The following ACOXL variants were observed in gnomAD, a reference collection of about 807,000 sequenced individuals.
The protein encoded by ACOXL is acyl-CoA oxidase like.
In ACOXL, 70 loss-of-function variants were observed where a neutral mutation model predicts 71.9. The ratio of observed to expected loss-of-function variants is 0.97; its 90% CI spans 0.80 to 1.19. The LOEUF (loss-of-function observed/expected upper bound fraction) is 1.19. Among genes scored for constraint, ACOXL ranks in the 50% most tolerant of loss-of-function variants. The pLI is 0.00. For synonymous variants in ACOXL, 253 were observed against 281.6 expected (o/e 0.90, Z 1.02); for missense variants, 703 against 736.3 (o/e 0.95, Z 0.52).
intron 9 of ACOXL, among the ~76,000 whole-genome samples, chr2:110,811,727 GCATACACACACA>G (rs1364442310): frequency 0.056 from 1,643 of 29,304 alleles, 16 homozygotes; most frequent in Admixed American, 0.16. Flanking sequence ...TGTTTTTTTT[GCATACACACACA>G]CACACACACA....
intron 12 of ACOXL, among the ~76,000 whole-genome samples, chr2:110,977,597 T>A (rs1203009980): frequency 1.3e-5 from 2 of 152,074 alleles, no homozygotes; most frequent in Non-Finnish European, 2.9e-5. Context: ...TCTTTCCAAA[T>A]CCATTGACCC....
chr2:110,977,552 T>G (rs2062222), intron 12 of ACOXL, among the ~76,000 whole-genome samples: 42,212 of 152,034 alleles, frequency 0.28, 6,671 homozygotes, highest in African/African-American at 0.41. Flanking sequence ...CAACCCTCTT[T>G]ACTCCCACGA....
At chr2:110,830,668 G>C (rs1398581462) in intron 9 of ACOXL, among the ~76,000 whole-genome samples, 1 of 151,982 alleles carries the variant, frequency 6.6e-6, no homozygotes. Context: ...CGAGTAGCTG[G>C]GACTACAGGC....
intron 17 of ACOXL, among the ~76,000 whole-genome samples, chr2:111,102,453 T>A (rs1324218914): frequency 2.0e-5 from 3 of 152,182 alleles, no homozygotes; most frequent in Non-Finnish European, 4.4e-5. Flanking sequence ...AGAGGGCAAA[T>A]TGTTTTGCTG....
chr2:110,751,781 C>T (rs991021866), intron 1 of ACOXL, among the ~76,000 whole-genome samples: 3 of 152,228 alleles, frequency 2.0e-5, no homozygotes, highest in Non-Finnish European at 4.4e-5. Context: ...GTTTTTCACC[C>T]CAGTATTGGT....
chr2:110,838,893 G>A (rs542195113), intron 9 of ACOXL, among the ~76,000 whole-genome samples: 12 of 152,310 alleles, frequency 7.9e-5, no homozygotes, highest in African/African-American at 2.6e-4. Context: ...TCATGCAGAG[G>A]CCTGCCAGGA....
chr2:111,031,756 G>A (rs760492888), intron 15 of ACOXL, 42 bp downstream of exon 15: 73 of 1,579,132 alleles, frequency 4.6e-5, no homozygotes, highest in Non-Finnish European at 6.1e-5. Context: ...GAGTGACTCA[G>A]GGGTCTACGG....
At chr2:111,029,217 C>T (rs1248525738) in intron 14 of ACOXL, among the ~76,000 whole-genome samples, 1 of 152,164 alleles carries the variant, frequency 6.6e-6, no homozygotes, top group Non-Finnish European at 1.5e-5. Context: ...TTGCCTGAAG[C>T]AAAGAACAGC....
chr2:111,007,729 C>T (rs1180365189), intron 14 of ACOXL, among the ~76,000 whole-genome samples: 1 of 152,182 alleles, frequency 6.6e-6, no homozygotes, highest in Non-Finnish European at 1.5e-5. Flanking sequence ...TGGGTGTGCT[C>T]ATTGCTACTG....
rs115458581 is a variant in ACOXL, at chr2:110,961,541, A to G, written c.1060-25567A>G. Among the ~76,000 whole-genome samples the G allele has an allele frequency of 2.2e-3, 339 of 152,318 alleles. 1 individual carries two copies. Among genetic ancestry groups the G allele is most frequent in the African/African-American group, 7.8e-3 (325 of 41,558 alleles). On this transcript the variant is annotated intron_variant, in intron 12 of 17. Transcript: ENST00000439055. ...CTGTTGCCCTCTCCTCCACCGGAAA[A>G]GAGGAGAGCAAAATGCTCAGAAAAA...
At chr2:110,803,439 A>G (rs1372406796) in intron 8 of ACOXL, among the ~76,000 whole-genome samples, 1 of 152,224 alleles carries the variant, frequency 6.6e-6, no homozygotes, top group East Asian at 1.9e-4. Flanking sequence ...CTTTTTGACA[A>G]ATGGTGCTGG....
chr2:110,909,057 T>G, intron 11 of ACOXL, 152 bp downstream of exon 11: 1 of 571,286 alleles, frequency 1.8e-6, no homozygotes, highest in East Asian at 3.1e-5. Context: ...AAAAGCATCC[T>G]TGGATGCTTA....
intron 16 of ACOXL, among the ~76,000 whole-genome samples, chr2:111,052,716 G>T (rs962106521): frequency 4.6e-5 from 7 of 151,950 alleles, no homozygotes; most frequent in African/African-American, 1.7e-4. Context: ...TAATCTCTTT[G>T]GTCCCTCTCG....
At chr2:111,082,520 AAGAC>A (rs2067979388) in intron 16 of ACOXL, among the ~76,000 whole-genome samples, 1 of 152,198 alleles carries the variant, frequency 6.6e-6, no homozygotes, top group African/African-American at 2.4e-5. Flanking sequence ...AAGTCAGGAA[AAGAC>A]AGATGCTGGA....
chr2:110,832,856 G>A (rs1233329796), intron 9 of ACOXL, among the ~76,000 whole-genome samples: 2 of 152,230 alleles, frequency 1.3e-5, no homozygotes, highest in Non-Finnish European at 2.9e-5. Flanking sequence ...TTAGGGAAAT[G>A]TAAATTAAAC....
At chr2:110,832,267 G>A (rs571162134) in intron 9 of ACOXL, among the ~76,000 whole-genome samples, 37 of 152,274 alleles carry the variant, frequency 2.4e-4, no homozygotes, top group South Asian at 8.3e-4. Flanking sequence ...GGCCGGGCGC[G>A]GTGGCTCACG....
intron 10 of ACOXL, among the ~76,000 whole-genome samples, chr2:110,868,638 G>A (rs1208428774): frequency 6.6e-6 from 1 of 151,884 alleles, no homozygotes; most frequent in Non-Finnish European, 1.5e-5. Flanking sequence ...TCCCAGGCTG[G>A]AGTGCACTGG....
intron 10 of ACOXL, among the ~76,000 whole-genome samples, chr2:110,899,291 C>T (rs749514506): frequency 4.6e-5 from 7 of 152,202 alleles, no homozygotes; most frequent in Non-Finnish European, 1.0e-4. Flanking sequence ...CTCTGAAGTG[C>T]ATTTGATTAC....
At chr2:110,992,429 T>C (rs2063212995) in intron 13 of ACOXL, among the ~76,000 whole-genome samples, 2 of 152,316 alleles carry the variant, frequency 1.3e-5, no homozygotes, top group South Asian at 4.1e-4. Context: ...TCATGGAGTC[T>C]GCACTCCGAG....
Sources: gnomAD v4.1 joint callset for allele counts (sites outside exome capture counted in the v4.1 genomes callset) on GRCh38, gnomAD v4.1.1 for gene constraint, MANE v1.5 for transcripts, NCBI Gene and HGNC (gene_info 2026-07-23, HGNC 2026-07-21) for gene names.